PERP: variants seen among roughly 807,000 people sequenced by gnomAD.
The protein encoded by PERP is p53 apoptosis effector related to PMP-22.
PERP carries 11 observed loss-of-function variants against 20.3 expected under a neutral mutation model. That is an observed-to-expected ratio of 0.54 (90% CI 0.34 to 0.90). The LOEUF (loss-of-function observed/expected upper bound fraction) is 0.90, where lower values mean the gene tolerates loss of function less well. PERP is among the 40% of genes least tolerant of loss of function. The pLI is 0.02. For synonymous variants in PERP, 101 were observed against 102.0 expected, an observed-to-expected ratio of 0.99 and a Z score of 0.06; for missense variants, 224 against 249.4, an observed-to-expected ratio of 0.90 and a Z score of 0.69.
intron 1 of PERP, among the ~76,000 whole-genome samples, chr6:138,099,475 T>C (rs1052806475): frequency 2.6e-5 from 4 of 152,214 alleles, no homozygotes; most frequent in Admixed American, 1.3e-4. Flanking sequence ...TATCTATATA[T>C]GCATGTAAAA....
At chr6:138,095,073 C>T (rs567247247) in intron 2 of PERP, among the ~76,000 whole-genome samples, 12 of 152,198 alleles carry the variant, frequency 7.9e-5, no homozygotes, top group South Asian at 4.1e-4. Flanking sequence ...GAGTTTTCTA[C>T]GACACATGAA....
At chr6:138,105,141 A>G (rs907855361) in intron 1 of PERP, among the ~76,000 whole-genome samples, 11 of 152,256 alleles carry the variant, frequency 7.2e-5, no homozygotes, top group Admixed American at 7.2e-4. Flanking sequence ...AGCCGTGTGT[A>G]ATGCATTACT....
intron 1 of PERP, among the ~76,000 whole-genome samples, chr6:138,106,052 A>G (rs72984652): frequency 0.11 from 17,202 of 152,232 alleles, 1,171 homozygotes; most frequent in South Asian, 0.3. Context: ...GGAAACACAA[A>G]TAAACAGGAT....
chr6:138,092,098 A>C lies in PERP; in HGVS notation c.526T>G (p.Tyr176Asp). ...GCATTGCCCAGAAGGTCATCTTCGT[A>C]GTTGGGGAGGCAGCAGAAGAAGAAG... is the stretch of plus-strand genomic sequence containing the variant. ...CAFFFCCLPNYEDDLLGNAKP... is the reference protein window; with the variant it reads ...CAFFFCCLPNDEDDLLGNAKP... The change falls in exon 3 of 3, where the codon TAC becomes GAC. Residue 176 changes from tyrosine (Y) to aspartate (D), a missense_variant. Coordinates refer to ENST00000421351, the MANE Select transcript of PERP (RefSeq NM_022121.5). The C allele has an allele frequency of 6.2e-7, 1 of 1,614,094 alleles. No individual in the cohort carries two copies. The highest frequency in any genetic ancestry group is 8.5e-7 in the Non-Finnish European group (1 of 1,179,988).
intron 2 of PERP, among the ~76,000 whole-genome samples, chr6:138,095,764 A>G (rs891732372): frequency 6.6e-6 from 1 of 152,182 alleles, no homozygotes; most frequent in Non-Finnish European, 1.5e-5. Flanking sequence ...TATTCCATCA[A>G]TAAATATTCA....
In PERP at chr6:138,107,380, C is replaced by A; in HGVS notation, c.-40G>T. The A allele has an allele frequency of 6.8e-7, 1 of 1,478,910 alleles. No homozygotes were observed. The highest frequency in any genetic ancestry group is 8.9e-7 in the Non-Finnish European group (1 of 1,118,050). 91.6% of individuals were successfully genotyped at this position (1,478,910 alleles called of 1,614,324 possible). Reference sequence around the variant, plus strand: ...CGGGGCCGAGCGGAGCGGAGCGGAGCGGGTCGGAGGAGCGCGCGGGACGGG... The same window carrying A: ...CGGGGCCGAGCGGAGCGGAGCGGAGAGGGTCGGAGGAGCGCGCGGGACGGG... On this transcript the variant is annotated 5_prime_UTR_variant, in exon 1 of 3. Transcript: ENST00000421351. The surrounding 1 kb of genome is among the most constrained non-coding windows in gnomAD (Gnocchi z 4.8).
chr6:138,098,729 A>G (rs549231951), intron 1 of PERP, among the ~76,000 whole-genome samples: 4 of 152,292 alleles, frequency 2.6e-5, no homozygotes, highest in Middle Eastern at 3.4e-3. Context: ...CTGGGGCACA[A>G]TAGATTATTA....
chr6:138,093,605 C>T (rs969011324), intron 2 of PERP, among the ~76,000 whole-genome samples: 1 of 152,086 alleles, frequency 6.6e-6, no homozygotes, highest in Non-Finnish European at 1.5e-5. Context: ...AAAAGCAATG[C>T]TTTTCTATGT....
chr6:138,094,907 G>A (rs549257872), intron 2 of PERP, among the ~76,000 whole-genome samples: 1 of 152,242 alleles, frequency 6.6e-6, no homozygotes, highest in African/African-American at 2.4e-5. Flanking sequence ...TTTTAGTAGA[G>A]ATGGGGTTTC....
intron 2 of PERP, among the ~76,000 whole-genome samples, chr6:138,093,239 ACTC>A (rs1775618385): frequency 6.6e-6 from 1 of 152,106 alleles, no homozygotes; most frequent in Admixed American, 6.5e-5. Context: ...ATAAGACACT[ACTC>A]TCCACAAGGA....
chr6:138,099,515 A>G (rs958887969), intron 1 of PERP, among the ~76,000 whole-genome samples: 2 of 152,238 alleles, frequency 1.3e-5, no homozygotes, highest in Admixed American at 1.3e-4. Context: ...ATCATTGCAT[A>G]GGAGAATGTG....
chr6:138,092,285 A>C lies in PERP; in HGVS notation c.356-17T>G, dbSNP rs1420739832. The stretch of plus-strand genomic sequence containing the variant: ...GGAACACAGCTAAAGGGAAGAAAAA[A>C]ATCCCAGGGTATGAATGCATACATG... On this transcript the variant is annotated splice_polypyrimidine_tract_variant and intron_variant, in intron 2 of 2. Coordinates refer to ENST00000421351, the MANE Select transcript of PERP (RefSeq NM_022121.5). 3.8e-6 allele frequency: 6 copies of C among 1,593,750 alleles called. No homozygotes were observed. Among genetic ancestry groups the C allele is most frequent in the Middle Eastern group, 1.7e-4 (1 of 6,012 alleles).
Position 138,092,067 on chromosome 6 carries a change from G to C in PERP, c.557C>G (p.Pro186Arg), listed in dbSNP as rs1435608809. 6.2e-7 allele frequency: 1 copy of C among 1,614,020 alleles called. No homozygotes were observed. The change falls in exon 3 of 3, where the codon CCC becomes CGC. Residue 186 changes from proline to arginine, a missense_variant. By Grantham distance (103) the Pro-to-Arg change is moderately radical. Transcript: ENST00000421351. Reference sequence around the variant, plus strand: ...TTAGGCAGATGTGTAGAAGTACCTGGGCTTGGCATTGCCCAGAAGGTCATC... The same window carrying C: ...TTAGGCAGATGTGTAGAAGTACCTGCGCTTGGCATTGCCCAGAAGGTCATC... ...YEDDLLGNAKPRYFYTSA is the reference protein window; with the variant it reads ...YEDDLLGNAKRRYFYTSA
At position 138,107,328 on chromosome 6, in the gene PERP, C is replaced by G. The variant is rs1480176220; in HGVS notation, c.13G>C (p.Gly5Arg). MIRCGLACERCRWIL... is the reference protein window; with the variant it reads MIRCRLACERCRWIL... Reference sequence around the variant, plus strand: ...CAGCGGCAGCGCTCGCAGGCCAGGCCGCAGCGGATCATGTTGACGGGCGGC... The same window carrying G: ...CAGCGGCAGCGCTCGCAGGCCAGGCGGCAGCGGATCATGTTGACGGGCGGC... The change falls in exon 1 of 3, where the codon GGC (glycine) becomes CGC (arginine). Residue 5 changes from glycine (G) to arginine (R), a missense_variant. Transcript: ENST00000421351. The surrounding 1 kb of genome is among the most constrained non-coding windows in gnomAD (Gnocchi z 4.8). 2 of 1,597,754 alleles carry G rather than the reference C, an allele frequency of 1.3e-6. No homozygotes were observed. Among genetic ancestry groups the G allele is most frequent in the East Asian group, 4.5e-5 (2 of 44,460 alleles).
At chr6:138,101,945 G>A (rs542556515) in intron 1 of PERP, among the ~76,000 whole-genome samples, 1 of 152,262 alleles carries the variant, frequency 6.6e-6, no homozygotes, top group African/African-American at 2.4e-5. Context: ...GACACTGGAC[G>A]TCCAACAACC....
At chr6:138,105,221 G>A (rs575979567) in intron 1 of PERP, among the ~76,000 whole-genome samples, 37 of 152,268 alleles carry the variant, frequency 2.4e-4, no homozygotes, top group African/African-American at 7.9e-4. Flanking sequence ...TACCATTTAC[G>A]AAAATCAGTC....
chr6:138,092,854 G>A (rs1233678873), intron 2 of PERP, among the ~76,000 whole-genome samples: 4 of 152,054 alleles, frequency 2.6e-5, no homozygotes, highest in South Asian at 4.2e-4. Context: ...CAGAGGACGC[G>A]GAAATCTGAA....
chr6:138,091,495 T>C lies in PERP; in HGVS notation c.*547A>G, dbSNP rs1582963912. Reference sequence around the variant, plus strand: ...TAGCTAAAATGAATGATTCAGGATATTAATGAGAAATTCTCACAAATGATA... The same window carrying C: ...TAGCTAAAATGAATGATTCAGGATACTAATGAGAAATTCTCACAAATGATA... On this transcript the variant is annotated 3_prime_UTR_variant, in exon 3 of 3. Coordinates refer to ENST00000421351, the MANE Select transcript of PERP (RefSeq NM_022121.5). The C allele has an allele frequency of 6.6e-6, 1 of 152,574 alleles. No individual in the cohort carries two copies. The highest frequency in any genetic ancestry group is 1.9e-4 in the East Asian group (1 of 5,202). The allele number at this position is 152,574 out of a possible 1,614,324, so 9.5% of individuals were successfully genotyped here. A position where few individuals can be genotyped will look rare whatever the true frequency, so the allele number is the denominator to read the frequency against.
In PERP at chr6:138,096,213, T is replaced by C. The variant is rs1775688542; in HGVS notation, c.355+141A>G. On this transcript the variant is annotated intron_variant, in intron 2 of 2. Transcript: ENST00000421351. ...CAGATCTTAAAACACATCTCTCCTC[T>C]GTTACTTCTGCCCTGGTGATACATT... 5 of 1,102,038 alleles carry C rather than the reference T, an allele frequency of 4.5e-6. No individual in the cohort carries two copies. The African/African-American group carries it at 6.3e-5, about 14-fold the overall frequency. The allele number at this position is 1,102,038 out of a possible 1,614,324, so 68.3% of individuals were successfully genotyped here.
Sources: gnomAD v4.1 joint callset for allele counts (sites outside exome capture counted in the v4.1 genomes callset) on GRCh38, gnomAD v4.1.1 for gene constraint, Gnocchi (gnomAD v3.1) non-coding constraint, MANE v1.5 for transcripts, NCBI Gene and HGNC (gene_info 2026-07-23, HGNC 2026-07-21) for gene names.